SDK1: variants seen among roughly 807,000 people sequenced by gnomAD.
The protein encoded by SDK1 is protein sidekick-1.
A neutral mutation model predicts 245.5 loss-of-function variants in SDK1; 157 were observed. The observed-to-expected ratio is 0.64, with a 90% confidence interval of 0.56 to 0.73. The LOEUF (loss-of-function observed/expected upper bound fraction) is 0.73, where lower values mean the gene tolerates loss of function less well. Among genes scored for constraint, SDK1 ranks in the 30% least tolerant of loss-of-function variants. The probability of loss-of-function intolerance (pLI) is 0.00; values close to 1 mark genes in which losing one functional copy is unlikely to be tolerated. For missense variants in SDK1, 3,583 were observed against 3,002.3 expected, an observed-to-expected ratio of 1.19 and a Z score of -4.52; for synonymous variants, 1,647 against 1,278.5, an observed-to-expected ratio of 1.29 and a Z score of -6.15.
chr7:3,444,935 C>T (rs533398053), intron 1 of SDK1, among the ~76,000 whole-genome samples: 42 of 152,064 alleles, frequency 2.8e-4, no homozygotes, highest in Non-Finnish European at 5.1e-4. Flanking sequence ...AAACTATTTC[C>T]TACTTACAAA....
chr7:3,403,969 T>A (rs571486353), intron 1 of SDK1, among the ~76,000 whole-genome samples: 1 of 149,426 alleles, frequency 6.7e-6, no homozygotes, highest in East Asian at 2.0e-4. Context: ...TGCAATAAAG[T>A]GAATCACACA....
intron 4 of SDK1, among the ~76,000 whole-genome samples, chr7:3,749,498 A>G (rs1583372056): frequency 1.3e-5 from 2 of 152,216 alleles, no homozygotes; most frequent in East Asian, 3.9e-4. Flanking sequence ...ACAGGGTTTC[A>G]CCATGTTATC....
At chr7:3,470,211 C>A (rs1360888241) in intron 1 of SDK1, among the ~76,000 whole-genome samples, 1 of 152,098 alleles carries the variant, frequency 6.6e-6, no homozygotes, top group African/African-American at 2.4e-5. Flanking sequence ...TTTCTCCCTT[C>A]TTCTCTCCCT....
intron 22 of SDK1, among the ~76,000 whole-genome samples, chr7:4,091,717 C>T (rs932916812): frequency 6.6e-6 from 1 of 152,062 alleles, no homozygotes; most frequent in African/African-American, 2.4e-5. Context: ...GTTTCACTGG[C>T]AGGCCAGTGT....
intron 25 of SDK1, among the ~76,000 whole-genome samples, chr7:4,120,397 C>T (rs979394861): frequency 6.7e-6 from 1 of 148,610 alleles, no homozygotes; most frequent in South Asian, 2.2e-4. Flanking sequence ...ATCACAAAGG[C>T]AAGACCATTT....
intron 5 of SDK1, among the ~76,000 whole-genome samples, chr7:3,853,731 C>T (rs1196738272): frequency 6.6e-6 from 1 of 152,098 alleles, no homozygotes; most frequent in Non-Finnish European, 1.5e-5. Context: ...TGGCTCAGGT[C>T]TGTAATCCCA....
At chr7:4,012,044 C>T (rs538076046) in intron 15 of SDK1, 51 bp from the exon 16 acceptor site, 23 of 1,356,222 alleles carry the variant, frequency 1.7e-5, no homozygotes, top group South Asian at 8.4e-5. Flanking sequence ...AATGGGCCCC[C>T]GCTGTTTCTG....
chr7:4,086,254 C>T (rs2128181658), intron 22 of SDK1, among the ~76,000 whole-genome samples: 1 of 152,290 alleles, frequency 6.6e-6, no homozygotes, highest in South Asian at 2.1e-4. Context: ...TGTAGCTAGT[C>T]CTCTGCTGAC....
At chr7:4,177,314 A>G (rs897004921) in intron 34 of SDK1, among the ~76,000 whole-genome samples, 1 of 152,218 alleles carries the variant, frequency 6.6e-6, no homozygotes, top group Non-Finnish European at 1.5e-5. Flanking sequence ...ACCTCGGAAA[A>G]GCCAAGCCAC....
rs1450629828 is a variant in SDK1 at position 4,267,538 on chromosome 7, C to G, written c.*2154C>G. On this transcript the variant is annotated 3_prime_UTR_variant, in exon 45 of 45. Transcript: ENST00000404826. Reference sequence around the variant, plus strand: ...AGTGGGCGGGAAGCCAGGATGTGAGCACTGGAATTTCTTGGAAGAGAAGCG... The same window carrying G: ...AGTGGGCGGGAAGCCAGGATGTGAGGACTGGAATTTCTTGGAAGAGAAGCG... 3.0e-6 allele frequency: 3 copies of G among 985,360 alleles called. No individual in the cohort carries two copies. The highest frequency in any genetic ancestry group is 3.6e-6 in the Non-Finnish European group (3 of 829,970). The allele number at this position is 985,360 out of a possible 1,614,324, so 61.0% of individuals were successfully genotyped here.
chr7:4,020,174 A>G (rs1225739947), intron 17 of SDK1, among the ~76,000 whole-genome samples: 1 of 152,048 alleles, frequency 6.6e-6, no homozygotes, highest in Non-Finnish European at 1.5e-5. Context: ...CTTGAGTCCC[A>G]GGATAAATTG....
At chr7:4,157,953 A>T (rs1320860590) in intron 30 of SDK1, among the ~76,000 whole-genome samples, 1 of 152,184 alleles carries the variant, frequency 6.6e-6, no homozygotes, top group Non-Finnish European at 1.5e-5. Context: ...ACGGAGCGTG[A>T]GAATCAGGCA....
At position 3,911,137 on chromosome 7, in the gene SDK1, G is replaced by A. The variant is rs538314244; in HGVS notation, c.848-39786G>A. 7.2e-5 allele frequency among the ~76,000 whole-genome samples: 11 copies of A among 152,318 alleles called. 1 individual carries two copies. The South Asian group carries it at 2.3e-3, about 32-fold the overall frequency. On this transcript the variant is annotated intron_variant, in intron 5 of 44. Transcript: ENST00000404826. ...TTGTAACTGGGACAAAAGTTGAAAG[G>A]ACACATAAAAAAAATTACAGATAAA...
Position 4,116,340 on chromosome 7 carries a change from G to A in SDK1, c.3823+2066G>A, listed in dbSNP as rs142512749. 5.1e-3 allele frequency among the ~76,000 whole-genome samples: 775 copies of A among 152,274 alleles called. 7 individuals carry two copies. Among genetic ancestry groups the A allele is most frequent in the African/African-American group, 0.017 (692 of 41,544 alleles). On this transcript the variant is annotated intron_variant, in intron 25 of 44. Transcript: ENST00000404826. Reference sequence around the variant, plus strand: ...CCTCCACCCTCGAGACAGCCAGGCCGGGGTGAGGAGTCTGCACCCTGGGCT... The same window carrying A: ...CCTCCACCCTCGAGACAGCCAGGCCAGGGTGAGGAGTCTGCACCCTGGGCT...
At chr7:4,114,406 A>G in intron 25 of SDK1, 132 bp downstream of exon 25, 1 of 727,812 alleles carries the variant, frequency 1.4e-6, no homozygotes, top group Non-Finnish European at 2.2e-6. Context: ...GAGCTTTCCT[A>G]ATCCCGGGTT....
rs76817463 is a variant in SDK1 at position 3,494,574 on chromosome 7, T to G, written c.299-124506T>G. ...GTGTGGGATGATTGAATTAGCTCAT[T>G]AACATATTCATCACCTTAAGTACTT... On this transcript the variant is annotated intron_variant, in intron 1 of 44. Transcript: ENST00000404826. 4.3e-3 allele frequency among the ~76,000 whole-genome samples: 662 copies of G among 152,332 alleles called. 6 individuals carry two copies. Among genetic ancestry groups the G allele is most frequent in the African/African-American group, 0.015 (622 of 41,578 alleles).
intron 1 of SDK1, among the ~76,000 whole-genome samples, chr7:3,607,255 A>C (rs930236229): frequency 2.0e-5 from 3 of 152,042 alleles, no homozygotes; most frequent in African/African-American, 7.3e-5. Context: ...AAGCTTGTTC[A>C]TAAGCACCTT....
intron 1 of SDK1, among the ~76,000 whole-genome samples, chr7:3,352,137 T>C (rs1192286720): frequency 6.7e-6 from 1 of 148,904 alleles, no homozygotes; most frequent in Non-Finnish European, 1.5e-5. Context: ...ATTTTATAAA[T>C]ATATAAATAT....
chr7:4,214,393 CTT>C (rs1297566807), intron 38 of SDK1, among the ~76,000 whole-genome samples: 2 of 152,246 alleles, frequency 1.3e-5, no homozygotes, highest in African/African-American at 4.8e-5. Flanking sequence ...GTTTTCGCCT[CTT>C]TTCACAAATA....
Sources: gnomAD v4.1 joint callset for allele counts (sites outside exome capture counted in the v4.1 genomes callset) on GRCh38, gnomAD v4.1.1 for gene constraint, MANE v1.5 for transcripts, NCBI Gene and HGNC (gene_info 2026-07-23, HGNC 2026-07-21) for gene names.